The following SHROOM3 variants were observed in gnomAD, a reference collection of about 807,000 sequenced individuals.
SHROOM3 encodes the protein protein Shroom3.
SHROOM3 carries 47 observed loss-of-function variants against 138.6 expected under a neutral mutation model. The ratio of observed to expected loss-of-function variants is 0.34; its 90% CI spans 0.27 to 0.43. SHROOM3 has a LOEUF of 0.43. SHROOM3 is among the 20% of genes least tolerant of loss of function. The pLI is 1.00. For missense variants in SHROOM3, 2,491 were observed against 2,596.5 expected (o/e 0.96, Z 0.88); for synonymous variants, 1,062 against 1,063.3 (o/e 1.00, Z 0.02).
intron 1 of SHROOM3, among the ~76,000 whole-genome samples, chr4:76,516,199 A>G (rs563479233): frequency 6.6e-6 from 1 of 152,262 alleles, no homozygotes; most frequent in South Asian, 2.1e-4. Flanking sequence ...ACCTCCTACT[A>G]TTACTCAAAT....
At chr4:76,649,723 A>G (rs1455463799) in intron 2 of SHROOM3, among the ~76,000 whole-genome samples, 1 of 152,218 alleles carries the variant, frequency 6.6e-6, no homozygotes, top group Non-Finnish European at 1.5e-5. Flanking sequence ...CATTTTGATG[A>G]TAAAAGTATA....
At chr4:76,777,911 C>T (rs896127122) in intron 10 of SHROOM3, among the ~76,000 whole-genome samples, 2 of 152,178 alleles carry the variant, frequency 1.3e-5, no homozygotes, top group Non-Finnish European at 2.9e-5. Flanking sequence ...GAATTTCTCT[C>T]ATTTTGGATC....
Position 76,471,345 on chromosome 4 carries a change from G to T in SHROOM3, c.168+35125G>T, listed in dbSNP as rs1246534423. ...TACAACCTTTGCCTCCCGACTTCAAGTGATTCTCCTGCCTCAGCCTCCTGA... is the reference window on the plus strand; with the variant it reads ...TACAACCTTTGCCTCCCGACTTCAATTGATTCTCCTGCCTCAGCCTCCTGA... On this transcript the variant is annotated intron_variant, in intron 1 of 10. Transcript: ENST00000296043. 2.0e-5 allele frequency among the ~76,000 whole-genome samples: 3 copies of T among 151,542 alleles called. No homozygotes were observed. The East Asian group carries it at 5.8e-4, about 29-fold the overall frequency.
chr4:76,774,174 A>G (rs1291138124), intron 10 of SHROOM3, among the ~76,000 whole-genome samples: 2 of 152,182 alleles, frequency 1.3e-5, no homozygotes, highest in African/African-American at 4.8e-5. Context: ...CTATTGGGCC[A>G]CCTGGATGAA....
chr4:76,450,525 C>T (rs186426841), intron 1 of SHROOM3, among the ~76,000 whole-genome samples: 86 of 152,160 alleles, frequency 5.7e-4, no homozygotes, highest in Non-Finnish European at 8.1e-4. Flanking sequence ...GTGGTATAGC[C>T]ATATAATGGA....
chr4:76,445,649 G>A (rs1403454466), intron 1 of SHROOM3, among the ~76,000 whole-genome samples: 2 of 152,164 alleles, frequency 1.3e-5, no homozygotes, highest in South Asian at 2.1e-4. Flanking sequence ...GTAGGCTGAG[G>A]TCAGATCACA....
At chr4:76,548,091 G>T (rs951350656) in intron 1 of SHROOM3, among the ~76,000 whole-genome samples, 1 of 152,182 alleles carries the variant, frequency 6.6e-6, no homozygotes. Context: ...AGACCTGGAG[G>T]AGGTAAGGGA....
chr4:76,503,902 G>T (rs2110000953), intron 1 of SHROOM3, among the ~76,000 whole-genome samples: 1 of 152,130 alleles, frequency 6.6e-6, no homozygotes, highest in South Asian at 2.1e-4. Flanking sequence ...TTTTATTAAA[G>T]ACTTTTCCAT....
chr4:76,655,287 C>G (rs1172958176), intron 2 of SHROOM3, among the ~76,000 whole-genome samples: 1 of 152,160 alleles, frequency 6.6e-6, no homozygotes, highest in Admixed American at 6.6e-5. Flanking sequence ...TGTTCTGCCT[C>G]TTTGTTTAAT....
At chr4:76,527,585 C>G (rs1378116484) in intron 1 of SHROOM3, among the ~76,000 whole-genome samples, 1 of 152,130 alleles carries the variant, frequency 6.6e-6, no homozygotes, top group South Asian at 2.1e-4. Flanking sequence ...CTTTTTGTTG[C>G]ATGTAACAGA....
intron 1 of SHROOM3, among the ~76,000 whole-genome samples, chr4:76,503,538 C>T (rs1338152030): frequency 3.9e-5 from 6 of 152,164 alleles, no homozygotes; most frequent in Non-Finnish European, 8.8e-5. Flanking sequence ...AAACAATTCT[C>T]ATGCCTCAGC....
chr4:76,678,834 G>C (rs1719112054), intron 2 of SHROOM3, among the ~76,000 whole-genome samples: 1 of 151,978 alleles, frequency 6.6e-6, no homozygotes, highest in African/African-American at 2.4e-5. Context: ...CTAATTTTTT[G>C]TATTTTAAGT....
At chr4:76,748,157 A>G (rs1359861633) in intron 5 of SHROOM3, among the ~76,000 whole-genome samples, 2 of 152,106 alleles carry the variant, frequency 1.3e-5, no homozygotes, top group African/African-American at 2.4e-5. Context: ...GACCCTTTCT[A>G]TTGCTTATTA....
chr4:76,670,824 A>G (rs927884181), intron 2 of SHROOM3, among the ~76,000 whole-genome samples: 2 of 152,090 alleles, frequency 1.3e-5, no homozygotes, highest in Admixed American at 6.5e-5. Context: ...ATGGTGGTGC[A>G]TGCCTGTGGT....
At chr4:76,594,392 T>C (rs184538484) in intron 2 of SHROOM3, among the ~76,000 whole-genome samples, 2 of 152,282 alleles carry the variant, frequency 1.3e-5, no homozygotes, top group East Asian at 3.9e-4. Context: ...ATTTGTTGAC[T>C]GAGTGAGGGA....
At chr4:76,666,124 G>A (rs968578459) in intron 2 of SHROOM3, among the ~76,000 whole-genome samples, 2 of 152,184 alleles carry the variant, frequency 1.3e-5, no homozygotes, top group African/African-American at 2.4e-5. Flanking sequence ...GTTGACTTAC[G>A]GTGGTACCTC....
chr4:76,592,119 G>A (rs1315215363), intron 2 of SHROOM3, among the ~76,000 whole-genome samples: 1 of 152,140 alleles, frequency 6.6e-6, no homozygotes, highest in Non-Finnish European at 1.5e-5. Flanking sequence ...ACTTGAAAGA[G>A]GGGAAAAAAT....
intron 1 of SHROOM3, among the ~76,000 whole-genome samples, chr4:76,472,971 G>A (rs1417442053): frequency 6.6e-6 from 1 of 152,194 alleles, no homozygotes; most frequent in African/African-American, 2.4e-5. Context: ...GGGATTACAG[G>A]TGTGAGCCAC....
intron 2 of SHROOM3, among the ~76,000 whole-genome samples, chr4:76,594,161 T>C (rs1734333655): frequency 6.6e-6 from 1 of 152,232 alleles, no homozygotes; most frequent in African/African-American, 2.4e-5. Context: ...ACCCAGGTCA[T>C]CTGTCAACAG....
Sources: allele counts gnomAD v4.1 joint callset (sites outside exome capture counted in the v4.1 genomes callset), GRCh38; gene constraint gnomAD v4.1.1; transcripts MANE v1.5; gene names NCBI Gene and HGNC (gene_info 2026-07-23, HGNC 2026-07-21).